RASA3: variants seen among roughly 807,000 people sequenced by gnomAD.
The protein encoded by RASA3 is ras GTPase-activating protein 3.
Under a neutral mutation model 110.0 loss-of-function variants are expected in RASA3, and 73 were observed. That is an observed-to-expected ratio of 0.66 (90% CI 0.55 to 0.81). The LOEUF is 0.81. RASA3 is among the 30% of genes least tolerant of loss of function. RASA3 has a pLI of 0.00. For synonymous variants in RASA3, 500 were observed against 451.4 expected, an observed-to-expected ratio of 1.11 and a Z score of -1.37; for missense variants, 976 against 1,113.2, an observed-to-expected ratio of 0.88 and a Z score of 1.75.
chr13:113,991,082 G>C (rs927803950), intron 22 of RASA3, among the ~76,000 whole-genome samples: 6 of 118,912 alleles, frequency 5.0e-5, no homozygotes, highest in Admixed American at 2.6e-4. Flanking sequence ...CTGGAGAACA[G>C]GCGTGGCCAA....
At chr13:114,047,351 A>G (rs7316924) in intron 3 of RASA3, among the ~76,000 whole-genome samples, 92,748 of 152,080 alleles carry the variant, frequency 0.61, 30,091 homozygotes, top group African/African-American at 0.84. Flanking sequence ...GTGAGACAGT[A>G]CACACCTATG....
chr13:114,049,739 C>T (rs2079112205), intron 3 of RASA3, among the ~76,000 whole-genome samples: 1 of 152,262 alleles, frequency 6.6e-6, no homozygotes, highest in African/African-American at 2.4e-5. Context: ...CCATGCCTCC[C>T]TTTCTTCTGA....
intron 1 of RASA3, among the ~76,000 whole-genome samples, chr13:114,076,131 C>G (rs988876095): frequency 6.6e-6 from 1 of 152,224 alleles, no homozygotes; most frequent in African/African-American, 2.4e-5. Context: ...CACAGTCTAC[C>G]TCTCTGGGCC....
In RASA3 at chr13:113,997,230, G is replaced by C. The variant is rs2053277059; in HGVS notation, c.1933-491C>G. 3.9e-5 allele frequency among the ~76,000 whole-genome samples: 6 copies of C among 152,194 alleles called. No individual in the cohort carries two copies. The South Asian group carries it at 1.2e-3, about 32-fold the overall frequency. On this transcript the variant is annotated intron_variant, in intron 20 of 23. Coordinates refer to ENST00000334062, the MANE Select transcript of RASA3 (RefSeq NM_007368.4). Reference sequence around the variant, plus strand: ...TTCCTCCTCCTCCCAGCTGGGGTTAGGGGGCTGCTTCCTCTTGAAGCGTCT... The same window carrying C: ...TTCCTCCTCCTCCCAGCTGGGGTTACGGGGCTGCTTCCTCTTGAAGCGTCT...
chr13:114,042,991 AG>A (rs1332974045), intron 3 of RASA3, among the ~76,000 whole-genome samples: 2 of 152,172 alleles, frequency 1.3e-5, no homozygotes, highest in Non-Finnish European at 2.9e-5. Flanking sequence ...CCACCCTGCG[AG>A]GTCCCAGGAC....
At chr13:114,035,128 A>G (rs936594026) in intron 4 of RASA3, among the ~76,000 whole-genome samples, 9 of 152,370 alleles carry the variant, frequency 5.9e-5, no homozygotes, top group African/African-American at 2.2e-4. Context: ...CTAAACCCAG[A>G]GCCCAAGAAC....
At chr13:113,997,766 G>C (rs925606283) in intron 20 of RASA3, among the ~76,000 whole-genome samples, 2 of 152,318 alleles carry the variant, frequency 1.3e-5, no homozygotes, top group Middle Eastern at 6.8e-3. Flanking sequence ...TCAGGAGTCA[G>C]GGGGACAGTG....
At chr13:114,131,801 CGCACCCACACAT>C (rs1415272518) in intron 1 of RASA3, among the ~76,000 whole-genome samples, 5 of 151,776 alleles carry the variant, frequency 3.3e-5, no homozygotes, top group Non-Finnish European at 7.4e-5. Context: ...CACACAAATA[CGCACCCACACAT>C]GCACCCACAA....
chr13:113,999,514 T>TC, intron 20 of RASA3, 71 bp downstream of exon 20: 1 of 1,265,862 alleles, frequency 7.9e-7, no homozygotes, highest in Non-Finnish European at 1.2e-6. Flanking sequence ...CAGGGCCAGG[T>TC]ACGGGAAGAG....
rs2079952107 is a variant in RASA3, at chr13:114,096,874, C to T, written c.56-23037G>A. ...CGGACGTACTCGCCCTACACCCCAG[C>T]CAAACGCACTCCGTGTTTGCCAACA... On this transcript the variant is annotated intron_variant, in intron 1 of 23. Coordinates refer to ENST00000334062, the MANE Select transcript of RASA3 (RefSeq NM_007368.4). The surrounding 1 kb of genome is among the most constrained non-coding windows in gnomAD (Gnocchi z 5.1). 2.0e-5 allele frequency among the ~76,000 whole-genome samples: 3 copies of T among 152,206 alleles called. No individual in the cohort carries two copies. Among genetic ancestry groups the T allele is most frequent in the Admixed American group, 1.3e-4 (2 of 15,286 alleles).
At chr13:114,127,144 G>C in intron 1 of RASA3, among the ~76,000 whole-genome samples, 1 of 152,240 alleles carries the variant, frequency 6.6e-6, no homozygotes, top group East Asian at 1.9e-4. Flanking sequence ...GGGAGACGCC[G>C]CTCATCCACT....
At chr13:114,116,996 ATG>A (rs555734820) in intron 1 of RASA3, among the ~76,000 whole-genome samples, 13 of 34,562 alleles carry the variant, frequency 3.8e-4, no homozygotes, top group African/African-American at 1.4e-3. Flanking sequence ...AGGGATGCAC[ATG>A]TGTGAGGGGT....
At chr13:114,045,981 TTTG>T (rs2079046915) in intron 3 of RASA3, among the ~76,000 whole-genome samples, 1 of 152,216 alleles carries the variant, frequency 6.6e-6, no homozygotes, top group Non-Finnish European at 1.5e-5. Flanking sequence ...AAGACTCAGT[TTTG>T]TTAAGATATT....
rs2053733904 is a variant in RASA3 at position 114,014,051 on chromosome 13, CGTCTGTCTCTGCCTCTCTCTCCGTCT to C, written c.1406-829_1406-804del. On this transcript the variant is annotated intron_variant, in intron 14 of 23. Coordinates refer to ENST00000334062, the MANE Select transcript of RASA3 (RefSeq NM_007368.4). This position sits in a 1 kb window ranked among gnomAD's most constrained non-coding sequence, Gnocchi z 4.5. Reference sequence around the variant, plus strand: ...CTCTCTCCGTCTCTATCTCTCTCTCCGTCTGTCTCTGCCTCTCTCTCCGTCTGTCTCTGCCTCTCTCTCCGTCTCTC... The same window carrying C: ...CTCTCTCCGTCTCTATCTCTCTCTCCGTCTCTGCCTCTCTCTCCGTCTCTC... Among the ~76,000 whole-genome samples, 1 of 113,460 alleles carries C rather than the reference CGTCTGTCTCTGCCTCTCTCTCCGTCT, an allele frequency of 8.8e-6. No individual in the cohort carries two copies. Among genetic ancestry groups the C allele is most frequent in the Non-Finnish European group, 2.1e-5 (1 of 48,608 alleles). The allele number at this position is 113,460 out of a possible 152,430, so 74.4% of individuals were successfully genotyped here.
At chr13:114,028,111 A>G (rs568646083) in intron 5 of RASA3, among the ~76,000 whole-genome samples, 184 bp from the exon 6 acceptor site, 2 of 151,324 alleles carry the variant, frequency 1.3e-5, no homozygotes, top group Admixed American at 1.3e-4. Flanking sequence ...CTGGCCATTC[A>G]CAAAAGCCCA....
chr13:113,997,503 T>C (rs1292989185), intron 20 of RASA3, among the ~76,000 whole-genome samples: 1 of 150,588 alleles, frequency 6.6e-6, no homozygotes, highest in African/African-American at 2.5e-5. Context: ...GCAGAAGAAA[T>C]GGGAGGCACA....
chr13:114,017,294 G>C lies in RASA3; in HGVS notation c.1149C>G (p.Thr383=). Residue 383 remains threonine, a synonymous_variant, in exon 12 of 24, where the codon ACC becomes ACG. Coordinates refer to ENST00000334062, the MANE Select transcript of RASA3 (RefSeq NM_007368.4). The part of the protein sequence containing the change: ...NSLASKCIDE[T]MKLAGMHYLH... ...GGTAATGCATCCCCGCCAGCTTCAT[G>C]GTCTCGTCGATGCACTTGGACGCCA... The C allele has an allele frequency of 6.2e-7, 1 of 1,613,984 alleles. No individual in the cohort carries two copies. The highest frequency in any genetic ancestry group is 8.5e-7 in the Non-Finnish European group (1 of 1,180,038).
rs1196699272 is a variant in RASA3, at chr13:114,014,791, G to A, written c.1405+418C>T. On this transcript the variant is annotated intron_variant, in intron 14 of 23. Transcript: ENST00000334062. The surrounding 1 kb of genome is among the most constrained non-coding windows in gnomAD (Gnocchi z 4.5). ...CAACACCACTCTGGGCCCTGCCAGG[G>A]TCGGCCACAAAAAGAAACCACTGGG... is the stretch of plus-strand genomic sequence containing the variant. Among the ~76,000 whole-genome samples the A allele has an allele frequency of 6.6e-6, 1 of 152,122 alleles. No individual in the cohort carries two copies. Among genetic ancestry groups the A allele is most frequent in the East Asian group, 1.9e-4 (1 of 5,190 alleles).
chr13:114,017,707 C>A (rs1159147960), intron 11 of RASA3, among the ~76,000 whole-genome samples: 1 of 152,230 alleles, frequency 6.6e-6, no homozygotes, highest in Non-Finnish European at 1.5e-5. Context: ...AGAAGCAAAC[C>A]CTCCTGTCAG....
Sources: gnomAD v4.1 joint callset for allele counts (sites outside exome capture counted in the v4.1 genomes callset) on GRCh38, gnomAD v4.1.1 for gene constraint, Gnocchi (gnomAD v3.1) non-coding constraint, MANE v1.5 for transcripts, NCBI Gene and HGNC (gene_info 2026-07-23, HGNC 2026-07-21) for gene names.